PDIA6: variants seen among roughly 807,000 people sequenced by gnomAD.
PDIA6 encodes the protein protein disulfide isomerase family A member 6, also known as protein disulfide-isomerase A6.
In PDIA6, 29 loss-of-function variants were observed where a neutral mutation model predicts 58.4. The observed-to-expected ratio is 0.50, with a 90% CI of 0.37 to 0.68. PDIA6 has a LOEUF of 0.68. Among genes scored for constraint, PDIA6 ranks in the 30% least tolerant of loss-of-function variants. PDIA6 has a pLI of 0.00. For synonymous variants in PDIA6, 192 were observed against 202.6 expected (o/e 0.95, Z 0.44); for missense variants, 480 against 551.0 (o/e 0.87, Z 1.29).
At chr2:10,788,056 A>C (rs1231453717) in intron 10 of PDIA6, among the ~76,000 whole-genome samples, 6 of 116,256 alleles carry the variant, frequency 5.2e-5, no homozygotes. Context: ...AGAGAGTGAG[A>C]CTCTGTCTCA....
chr2:10,804,049 C>T (rs1036007365), intron 1 of PDIA6, among the ~76,000 whole-genome samples: 1 of 149,644 alleles, frequency 6.7e-6, no homozygotes, highest in Admixed American at 6.7e-5. Context: ...ACCGGGACTA[C>T]AGGCGCCTGC....
chr2:10,807,955 G>A (rs1666830786), intron 1 of PDIA6, among the ~76,000 whole-genome samples: 1 of 152,208 alleles, frequency 6.6e-6, no homozygotes, highest in Admixed American at 6.5e-5. Flanking sequence ...CCATTTCCAA[G>A]CTTTTCCTAT....
chr2:10,793,760 G>C (rs191852372), intron 4 of PDIA6, among the ~76,000 whole-genome samples: 3 of 152,288 alleles, frequency 2.0e-5, no homozygotes, highest in Admixed American at 6.5e-5. Flanking sequence ...TACCGAACAT[G>C]AACATGGATG....
chr2:10,834,924 G>A (rs1195847690), upstream of PDIA6, among the ~76,000 whole-genome samples: 2 of 151,966 alleles, frequency 1.3e-5, no homozygotes, highest in Admixed American at 1.3e-4. Flanking sequence ...GCACCACCAT[G>A]TCCGGCTAAT....
At chr2:10,817,758 C>G (rs1667243728), upstream of PDIA6, among the ~76,000 whole-genome samples, 1 of 152,212 alleles carries the variant, frequency 6.6e-6, no homozygotes, top group African/African-American at 2.4e-5. Context: ...GGGAAGGAAC[C>G]CAAGTCTAGA....
At chr2:10,786,579 G>T (rs960337223) in intron 11 of PDIA6, among the ~76,000 whole-genome samples, 1 of 152,168 alleles carries the variant, frequency 6.6e-6, no homozygotes, top group African/African-American at 2.4e-5. Context: ...AAGACTGGCA[G>T]CAAGAGCACT....
intron 1 of PDIA6, among the ~76,000 whole-genome samples, chr2:10,804,223 T>A (rs1734366): frequency 0.49 from 73,694 of 150,948 alleles, 19,509 homozygotes; most frequent in South Asian, 0.58. Flanking sequence ...TCCTAGTTTT[T>A]GACAAAAAAG....
intron 7 of PDIA6, 142 bp downstream of exon 7, chr2:10,790,577 G>C (rs1202210343): frequency 1.6e-6 from 1 of 624,160 alleles, no homozygotes; most frequent in East Asian, 2.8e-5. Context: ...TGTTAGTTAT[G>C]ACAATAAAGT....
At chr2:10,784,382 TCAA>T (rs1665594505) in intron 12 of PDIA6, 56 bp from the exon 13 acceptor site, 1 of 1,407,964 alleles carries the variant, frequency 7.1e-7, no homozygotes. Flanking sequence ...CCCTGGAAGG[TCAA>T]CATCTCATTT....
chr2:10,819,885 C>G (rs999101212), intron 1 of PDIA6, among the ~76,000 whole-genome samples: 13 of 152,236 alleles, frequency 8.5e-5, no homozygotes, highest in African/African-American at 2.9e-4. Context: ...GAGGTGCCCT[C>G]TCTTGTTGCA....
At chr2:10,793,465 A>G (rs1447628049) in intron 4 of PDIA6, among the ~76,000 whole-genome samples, 1 of 152,138 alleles carries the variant, frequency 6.6e-6, no homozygotes, top group Non-Finnish European at 1.5e-5. Context: ...CCCAGGCTGG[A>G]GTACAGTGGC....
intron 1 of PDIA6, among the ~76,000 whole-genome samples, chr2:10,810,083 T>C (rs1666939168): frequency 6.6e-6 from 1 of 152,248 alleles, no homozygotes; most frequent in South Asian, 2.1e-4. Flanking sequence ...GGGGTCTTTA[T>C]TTCTGGCGAG....
intron 1 of PDIA6, among the ~76,000 whole-genome samples, chr2:10,806,087 G>C (rs1666728912): frequency 6.6e-6 from 1 of 150,578 alleles, no homozygotes. Flanking sequence ...GAAAATACTG[G>C]CCAGGTGCTA....
At chr2:10,797,375 G>A (rs890622589) in intron 3 of PDIA6, among the ~76,000 whole-genome samples, 168 bp from the exon 4 acceptor site, 1 of 152,202 alleles carries the variant, frequency 6.6e-6, no homozygotes, top group Non-Finnish European at 1.5e-5. Flanking sequence ...GAATCTAAAT[G>A]GAATGATGGG....
upstream of PDIA6, among the ~76,000 whole-genome samples, chr2:10,814,953 G>A (rs901840416): frequency 3.3e-5 from 5 of 152,168 alleles, no homozygotes; most frequent in African/African-American, 4.8e-5. Flanking sequence ...TGATCCTCGT[G>A]GAGAAAACAG....
chr2:10,824,206 C>G (rs987638870), intron 1 of PDIA6, among the ~76,000 whole-genome samples: 1 of 151,718 alleles, frequency 6.6e-6, no homozygotes, highest in African/African-American at 2.4e-5. Context: ...ACACTCACAC[C>G]TCCAGTCATG....
intron 1 of PDIA6, among the ~76,000 whole-genome samples, chr2:10,807,876 A>G (rs1265578669): frequency 1.3e-5 from 2 of 152,218 alleles, no homozygotes; most frequent in Non-Finnish European, 2.9e-5. Context: ...ACTTATCCCC[A>G]TTTTGTAAAT....
chr2:10,791,967 A>G, intron 5 of PDIA6, 42 bp from the exon 6 acceptor site: 1 of 1,595,626 alleles, frequency 6.3e-7, no homozygotes, highest in Non-Finnish European at 8.5e-7. Flanking sequence ...TGGGCCAAGA[A>G]GAACACTTTT....
At chr2:10,824,287 T>C (rs1425373312) in intron 1 of PDIA6, among the ~76,000 whole-genome samples, 1 of 152,146 alleles carries the variant, frequency 6.6e-6, no homozygotes, top group African/African-American at 2.4e-5. Context: ...GTGCCCAAGG[T>C]TATGCCCCAT....
Sources: gnomAD v4.1 joint callset for allele counts (sites outside exome capture counted in the v4.1 genomes callset) on GRCh38, gnomAD v4.1.1 for gene constraint, MANE v1.5 for transcripts, NCBI Gene and HGNC (gene_info 2026-07-23, HGNC 2026-07-21) for gene names.